Variants in GALNT17 observed in about 807,000 individuals in gnomAD.
GALNT17 encodes polypeptide N-acetylgalactosaminyltransferase 17, also known as UDP-GalNAc:polypeptide N-acetylgalactosaminyltransferase-like 3.
A neutral mutation model predicts 63.7 loss-of-function variants in GALNT17; 29 were observed. The observed-to-expected ratio is 0.46, with a 90% CI of 0.34 to 0.62. The LOEUF is 0.62. Ranked by LOEUF, GALNT17 falls within the 20% of genes least tolerant of loss-of-function variation. The pLI, the probability that GALNT17 is intolerant of heterozygous loss-of-function variation, is 0.01. For missense variants in GALNT17, 603 were observed against 799.6 expected (o/e 0.75, Z 2.97); for synonymous variants, 305 against 318.3 (o/e 0.96, Z 0.45).
At position 71,159,623 on chromosome 7, in the gene GALNT17, A is replaced by C. The variant is rs142052843; in HGVS notation, c.238+26583A>C. On this transcript the variant is annotated intron_variant, in intron 1 of 10. Coordinates refer to ENST00000333538, the MANE Select transcript of GALNT17 (RefSeq NM_022479.3). ...AAACAATAACTGTTGACAGGTATAC[A>C]ATTCAACTGGCGGGAGCAGAAACGG... 5.4e-4 allele frequency among the ~76,000 whole-genome samples: 81 copies of C among 148,650 alleles called. 1 individual carries two copies. Among genetic ancestry groups the C allele is most frequent in the African/African-American group, 1.5e-3 (61 of 39,598 alleles).
chr7:71,600,763 C>CTTTT (rs71089964), intron 6 of GALNT17, among the ~76,000 whole-genome samples: 1 of 151,412 alleles, frequency 6.6e-6, no homozygotes, highest in Non-Finnish European at 1.5e-5. Flanking sequence ...TTTTTTCACT[C>CTTTT]TTTTTTTTAT....
At chr7:71,179,325 G>A (rs865975917) in intron 1 of GALNT17, among the ~76,000 whole-genome samples, 1 of 152,186 alleles carries the variant, frequency 6.6e-6, no homozygotes, top group Admixed American at 6.5e-5. Context: ...TTTCCGGACT[G>A]AACCAATGTT....
intron 1 of GALNT17, among the ~76,000 whole-genome samples, chr7:71,328,404 G>T (rs1242217461): frequency 6.6e-6 from 1 of 152,108 alleles, no homozygotes; most frequent in African/African-American, 2.4e-5. Flanking sequence ...TTGACTTTGT[G>T]ACTACTCTGC....
At chr7:71,349,379 G>A (rs1792151812) in intron 2 of GALNT17, among the ~76,000 whole-genome samples, 1 of 152,172 alleles carries the variant, frequency 6.6e-6, no homozygotes, top group African/African-American at 2.4e-5. Flanking sequence ...ATTACAGATG[G>A]CATGTCCCTT....
At chr7:71,401,989 G>C (rs1008548267) in intron 3 of GALNT17, among the ~76,000 whole-genome samples, 2 of 152,314 alleles carry the variant, frequency 1.3e-5, no homozygotes. Flanking sequence ...GGGGACTGCT[G>C]TTCTAAAGCA....
At chr7:71,648,099 C>A (rs1230563364) in intron 6 of GALNT17, among the ~76,000 whole-genome samples, 1 of 152,206 alleles carries the variant, frequency 6.6e-6, no homozygotes, top group South Asian at 2.1e-4. Flanking sequence ...GTGGTGGCAC[C>A]GCTACCACTC....
At chr7:71,245,696 A>T (rs1036357327) in intron 1 of GALNT17, among the ~76,000 whole-genome samples, 1 of 152,126 alleles carries the variant, frequency 6.6e-6, no homozygotes, top group Admixed American at 6.5e-5. Context: ...AATGAAGGTG[A>T]GTTCTGTGTG....
chr7:71,683,305 A>T (rs2117080256), intron 9 of GALNT17, among the ~76,000 whole-genome samples: 1 of 152,028 alleles, frequency 6.6e-6, no homozygotes, highest in East Asian at 1.9e-4. Flanking sequence ...TCACTCATCA[A>T]AGCTCCCCCA....
intron 5 of GALNT17, among the ~76,000 whole-genome samples, chr7:71,497,465 T>C (rs1788114822): frequency 6.6e-6 from 1 of 152,158 alleles, no homozygotes; most frequent in Admixed American, 6.5e-5. Flanking sequence ...CTCTGTCCAT[T>C]TCCTCTTCTT....
chr7:71,557,830 T>C (rs1188272918), intron 5 of GALNT17, among the ~76,000 whole-genome samples: 1 of 151,432 alleles, frequency 6.6e-6, no homozygotes, highest in African/African-American at 2.4e-5. Flanking sequence ...CCCAGCACTT[T>C]GGGAGGCCAA....
At chr7:71,587,135 C>T (rs1285391363) in intron 6 of GALNT17, among the ~76,000 whole-genome samples, 1 of 152,160 alleles carries the variant, frequency 6.6e-6, no homozygotes. Flanking sequence ...TCAAGCGATT[C>T]TCCTGCCTCA....
At chr7:71,413,391 G>T (rs1793464496) in intron 3 of GALNT17, among the ~76,000 whole-genome samples, 1 of 151,746 alleles carries the variant, frequency 6.6e-6, no homozygotes, top group Non-Finnish European at 1.5e-5. Context: ...TTTAGGCAGA[G>T]TTTCGCCCTT....
intron 1 of GALNT17, among the ~76,000 whole-genome samples, chr7:71,244,883 A>G (rs1364952409): frequency 1.3e-5 from 2 of 152,006 alleles, no homozygotes; most frequent in Non-Finnish European, 2.9e-5. Flanking sequence ...CCAGGGGTTC[A>G]AGGCTGCATT....
At chr7:71,379,364 A>G (rs561935058) in intron 2 of GALNT17, among the ~76,000 whole-genome samples, 23 of 152,230 alleles carry the variant, frequency 1.5e-4, no homozygotes, top group Middle Eastern at 6.8e-3. Flanking sequence ...CCTAATTCTG[A>G]AAGCTTAGAA....
intron 1 of GALNT17, among the ~76,000 whole-genome samples, chr7:71,322,825 G>A (rs886290530): frequency 6.6e-6 from 1 of 152,136 alleles, no homozygotes; most frequent in Non-Finnish European, 1.5e-5. Context: ...TGCAAGCCAG[G>A]AAGAGAGCCC....
At chr7:71,468,429 T>A (rs1254817612) in intron 5 of GALNT17, among the ~76,000 whole-genome samples, 1 of 150,346 alleles carries the variant, frequency 6.7e-6, no homozygotes, top group Non-Finnish European at 1.5e-5. Context: ...TTATTTTTTT[T>A]AATTGGAGAC....
Position 71,165,262 on chromosome 7 carries a change from T to C in GALNT17, c.238+32222T>C, listed in dbSNP as rs550452280. Reference sequence around the variant, plus strand: ...GAAGTACCCAGGGTGGTTTGGAGTCTGAAAATCCGAGTTCAAGTTCTGGCA... The same window carrying C: ...GAAGTACCCAGGGTGGTTTGGAGTCCGAAAATCCGAGTTCAAGTTCTGGCA... On this transcript the variant is annotated intron_variant, in intron 1 of 10. Coordinates refer to ENST00000333538, the MANE Select transcript of GALNT17 (RefSeq NM_022479.3). Among the ~76,000 whole-genome samples the C allele has an allele frequency of 2.0e-5, 3 of 152,354 alleles. No individual in the cohort carries two copies. In the East Asian group the frequency reaches 5.8e-4, roughly 29 times the overall value.
chr7:71,549,042 G>T (rs1414902191), intron 5 of GALNT17, among the ~76,000 whole-genome samples: 3 of 152,140 alleles, frequency 2.0e-5, no homozygotes, highest in Non-Finnish European at 4.4e-5. Flanking sequence ...GCCAGCTACT[G>T]GACCTGGTAC....
intron 1 of GALNT17, among the ~76,000 whole-genome samples, chr7:71,148,622 C>G (rs911827076): frequency 2.6e-5 from 4 of 151,968 alleles, no homozygotes; most frequent in African/African-American, 9.7e-5. Context: ...TCTTGGCCAA[C>G]TAGAAATTCA....
Sources: gnomAD v4.1 joint callset for allele counts (sites outside exome capture counted in the v4.1 genomes callset) on GRCh38, gnomAD v4.1.1 for gene constraint, MANE v1.5 for transcripts, NCBI Gene and HGNC (gene_info 2026-07-23, HGNC 2026-07-21) for gene names.